HSD17B2: variants seen among roughly 807,000 people sequenced by gnomAD.
HSD17B2 encodes the protein hydroxysteroid 17-beta dehydrogenase 2.
A neutral mutation model predicts 26.9 loss-of-function variants in HSD17B2; 32 were observed. That is an observed-to-expected ratio of 1.19 (90% CI 0.90 to 1.60). The LOEUF (loss-of-function observed/expected upper bound fraction) is 1.60, where lower values mean the gene tolerates loss of function less well. HSD17B2 is among the 40% of genes most tolerant of loss of function. HSD17B2 has a pLI of 0.00. For synonymous variants in HSD17B2, 246 were observed against 186.7 expected (o/e 1.32, Z -2.59); for missense variants, 613 against 468.6 (o/e 1.31, Z -2.85).
At chr16:82,067,034 G>A (rs1411392044) in intron 1 of HSD17B2, among the ~76,000 whole-genome samples, 1 of 152,168 alleles carries the variant, frequency 6.6e-6, no homozygotes, top group Non-Finnish European at 1.5e-5. Flanking sequence ...TTTTAGTCCT[G>A]CACATGTTTA....
chr16:82,092,354 G>C lies in HSD17B2; in HGVS notation c.802+1315G>C, dbSNP rs993626306. ...TCTGGGAAGAGGCAGCCTACCCCAA[G>C]GCTCAGTCTTCAGTTCTGGGCCATC... On this transcript the variant is annotated intron_variant, in intron 4 of 4. Coordinates refer to ENST00000199936, the MANE Select transcript of HSD17B2 (RefSeq NM_002153.3). 4 of 152,200 alleles carry C rather than the reference G, an allele frequency of 2.6e-5. No homozygotes were observed. In the East Asian group the frequency reaches 7.7e-4, roughly 29 times the overall value. The allele number at this position is 152,200 out of a possible 1,614,324, so 9.4% of individuals were successfully genotyped here. A position where few individuals can be genotyped will look rare whatever the true frequency, so the allele number is the denominator to read the frequency against.
chr16:82,035,814 C>A, intron 1 of HSD17B2, 125 bp downstream of exon 1: 1 of 1,030,800 alleles, frequency 9.7e-7, no homozygotes, highest in Non-Finnish European at 1.4e-6. Context: ...AAGCCCTCAC[C>A]CAAGTATTTT....
intron 1 of HSD17B2, among the ~76,000 whole-genome samples, chr16:82,055,463 A>AAG (rs1914238423): frequency 6.6e-6 from 1 of 152,210 alleles, no homozygotes; most frequent in Non-Finnish European, 1.5e-5. Flanking sequence ...CATGATGTAG[A>AAG]AGAGTACATG....
Position 82,056,212 on chromosome 16 carries a change from G to A in HSD17B2, c.266-11958G>A, listed in dbSNP as rs115896933. On this transcript the variant is annotated intron_variant, in intron 1 of 4. Coordinates refer to ENST00000199936, the MANE Select transcript of HSD17B2 (RefSeq NM_002153.3). ...GACATTAGTAAGGCTGCCCTACTTA[G>A]ATAAAACCTTAGATAATGATAAAAG... Among the ~76,000 whole-genome samples, 542 of 152,304 alleles carry A rather than the reference G, an allele frequency of 3.6e-3. 4 individuals carry two copies. Among genetic ancestry groups the A allele is most frequent in the African/African-American group, 0.011 (471 of 41,554 alleles).
Position 82,082,538 on chromosome 16 carries a change from A to G in HSD17B2, c.665-8364A>G, listed in dbSNP as rs149332384. Reference sequence around the variant, plus strand: ...TTTTTGTACAAGCTTTTGTGTGGACACTATAAATTTTATGTAAGTGTTAGC... The same window carrying G: ...TTTTTGTACAAGCTTTTGTGTGGACGCTATAAATTTTATGTAAGTGTTAGC... On this transcript the variant is annotated intron_variant, in intron 3 of 4. Transcript: ENST00000199936. Among the ~76,000 whole-genome samples the G allele has an allele frequency of 3.8e-3, 585 of 152,298 alleles. 1 individual carries two copies. Among genetic ancestry groups the G allele is most frequent in the Middle Eastern group, 0.014 (4 of 294 alleles).
chr16:82,046,149 A>G (rs1913921069), intron 1 of HSD17B2, among the ~76,000 whole-genome samples: 1 of 152,194 alleles, frequency 6.6e-6, no homozygotes. Flanking sequence ...TTCAGTACCA[A>G]TTGCCTACTA....
At chr16:82,087,464 T>A (rs1350716791) in intron 3 of HSD17B2, among the ~76,000 whole-genome samples, 1 of 152,090 alleles carries the variant, frequency 6.6e-6, no homozygotes, top group Non-Finnish European at 1.5e-5. Flanking sequence ...AACGGCAAGA[T>A]TGGATGGATG....
intron 1 of HSD17B2, among the ~76,000 whole-genome samples, chr16:82,052,039 G>C (rs1914124040): frequency 6.6e-6 from 1 of 152,226 alleles, no homozygotes; most frequent in Non-Finnish European, 1.5e-5. Context: ...CTTATACAGA[G>C]CCAACCACAT....
At chr16:82,074,191 G>A (rs1914760839) in intron 3 of HSD17B2, among the ~76,000 whole-genome samples, 1 of 152,164 alleles carries the variant, frequency 6.6e-6, no homozygotes, top group Non-Finnish European at 1.5e-5. Flanking sequence ...TTCTGCCCTA[G>A]TCTTTTGAGT....
rs150841411 is a variant in HSD17B2, at chr16:82,054,664, C to T, written c.266-13506C>T. On this transcript the variant is annotated intron_variant, in intron 1 of 4. Coordinates refer to ENST00000199936, the MANE Select transcript of HSD17B2 (RefSeq NM_002153.3). ...TCAGCCCTGCCCTATTCTTAACATA[C>T]CACTTAGCCATTTCCACCAACTTGA... is the stretch of plus-strand genomic sequence containing the variant. 3.4e-3 allele frequency among the ~76,000 whole-genome samples: 524 copies of T among 152,278 alleles called. 2 individuals are homozygous for T. Among genetic ancestry groups the T allele is most frequent in the Non-Finnish European group, 5.0e-3 (339 of 68,010 alleles).
At chr16:82,072,106 C>G (rs180692536) in intron 3 of HSD17B2, 11 of 152,304 alleles carry the variant, frequency 7.2e-5, no homozygotes, top group African/African-American at 2.6e-4. Context: ...TTGTCCATCA[C>G]ATTCCCTTTC....
At chr16:82,038,796 G>A (rs1913688357) in intron 1 of HSD17B2, among the ~76,000 whole-genome samples, 1 of 152,160 alleles carries the variant, frequency 6.6e-6, no homozygotes, top group South Asian at 2.1e-4. Flanking sequence ...AGGTAAGGGT[G>A]AGACATTGAG....
At chr16:82,038,303 G>T (rs1281315158) in intron 1 of HSD17B2, among the ~76,000 whole-genome samples, 1 of 152,136 alleles carries the variant, frequency 6.6e-6, no homozygotes, top group Non-Finnish European at 1.5e-5. Context: ...AACCACAGAG[G>T]CCATTCAAAT....
intron 4 of HSD17B2, chr16:82,096,806 AAC>A (rs1014096139): frequency 6.6e-6 from 1 of 152,156 alleles, no homozygotes. Flanking sequence ...AAGGAGAATC[AAC>A]ACACAGTGCA....
chr16:82,073,370 G>A (rs1469179911), intron 3 of HSD17B2, among the ~76,000 whole-genome samples: 2 of 151,784 alleles, frequency 1.3e-5, no homozygotes, highest in East Asian at 3.9e-4. Flanking sequence ...GACTACAGAC[G>A]CCCCCACCAC....
At chr16:82,070,543 G>A (rs896898114) in intron 2 of HSD17B2, among the ~76,000 whole-genome samples, 1 of 152,210 alleles carries the variant, frequency 6.6e-6, no homozygotes, top group African/African-American at 2.4e-5. Context: ...CGCCCATGTG[G>A]CATGCCCGTG....
chr16:82,068,191 A>G lies in HSD17B2; in HGVS notation c.287A>G (p.His96Arg). 1 of 1,614,114 alleles carries G rather than the reference A, an allele frequency of 6.2e-7. No individual in the cohort carries two copies. The highest frequency in any genetic ancestry group is 8.5e-7 in the Non-Finnish European group (1 of 1,180,018). The change falls in exon 2 of 5, where the codon CAT becomes CGT. Residue 96 changes from histidine (H) to arginine (R), a missense_variant. By Grantham distance (29) the His-to-Arg change is conservative. Transcript: ENST00000199936. ...LVTGGDCGLG[H>R]ALCKYLDELG... is the part of the protein sequence containing the mutation. ...GCAGGTGGTGATTGCGGGCTTGGCC[A>G]TGCTTTGTGCAAGTATCTGGATGAG... is the stretch of plus-strand genomic sequence containing the variant.
At chr16:82,050,787 C>T (rs1203222620) in intron 1 of HSD17B2, among the ~76,000 whole-genome samples, 2 of 152,168 alleles carry the variant, frequency 1.3e-5, no homozygotes, top group Non-Finnish European at 2.9e-5. Flanking sequence ...TGACAATTAA[C>T]TGCTTGTAGT....
intron 3 of HSD17B2, among the ~76,000 whole-genome samples, chr16:82,089,546 G>T (rs1567592929): frequency 6.6e-6 from 1 of 152,148 alleles, no homozygotes; most frequent in Admixed American, 6.5e-5. Context: ...ATATTCTGGG[G>T]CTGCTGTCAC....
Sources: allele counts gnomAD v4.1 joint callset (sites outside exome capture counted in the v4.1 genomes callset), GRCh38; gene constraint gnomAD v4.1.1; transcripts MANE v1.5; gene names NCBI Gene and HGNC (gene_info 2026-07-23, HGNC 2026-07-21).